The following SORCS2 variants were observed in gnomAD, a reference collection of about 807,000 sequenced individuals.
SORCS2 encodes VPS10 domain-containing receptor SorCS2.
Under a neutral mutation model 141.6 loss-of-function variants are expected in SORCS2, and 100 were observed. The ratio of observed to expected loss-of-function variants is 0.71; its 90% CI spans 0.60 to 0.83. The LOEUF is 0.83. Ranked by LOEUF, SORCS2 falls within the 40% of genes least tolerant of loss-of-function variation. The pLI, the probability that SORCS2 is intolerant of heterozygous loss-of-function variation, is 0.00. For synonymous variants in SORCS2, 789 were observed against 676.9 expected (o/e 1.17, Z -2.57); for missense variants, 1,646 against 1,560.2 (o/e 1.05, Z -0.93).
intron 3 of SORCS2, among the ~76,000 whole-genome samples, chr4:7,588,367 G>C (rs1284687052): frequency 6.6e-6 from 1 of 152,128 alleles, no homozygotes; most frequent in Non-Finnish European, 1.5e-5. Context: ...ATTTTCACCT[G>C]GCCTCTGGTA....
chr4:7,307,253 C>T (rs79444155), intron 1 of SORCS2, among the ~76,000 whole-genome samples: 2,988 of 152,318 alleles, frequency 0.02, 85 homozygotes, highest in African/African-American at 0.069. Context: ...GGATCGTTCA[C>T]GGGTCCTGGG....
intron 1 of SORCS2, among the ~76,000 whole-genome samples, chr4:7,314,147 G>A (rs1007079165): frequency 1.3e-5 from 2 of 152,088 alleles, no homozygotes; most frequent in Admixed American, 6.5e-5. Context: ...CCTCTGTGCC[G>A]TGCGGTGAGG....
chr4:7,368,102 C>T (rs1475804541), intron 1 of SORCS2, among the ~76,000 whole-genome samples: 3 of 152,204 alleles, frequency 2.0e-5, no homozygotes, highest in Admixed American at 6.5e-5. Flanking sequence ...CCCCTGTTCA[C>T]GTGTGGTGGT....
At chr4:7,659,642 A>G (rs1560463145) in intron 5 of SORCS2, among the ~76,000 whole-genome samples, 1 of 152,240 alleles carries the variant, frequency 6.6e-6, no homozygotes, top group Non-Finnish European at 1.5e-5. Context: ...TTGGTGCCAG[A>G]GTACTTACTG....
At chr4:7,283,913 G>T (rs1478022862) in intron 1 of SORCS2, among the ~76,000 whole-genome samples, 1 of 152,100 alleles carries the variant, frequency 6.6e-6, no homozygotes, top group Non-Finnish European at 1.5e-5. Flanking sequence ...AGGAGCGAGG[G>T]ATCCTTTGTG....
intron 2 of SORCS2, among the ~76,000 whole-genome samples, chr4:7,501,579 A>G (rs940195117): frequency 6.6e-6 from 1 of 152,112 alleles, no homozygotes; most frequent in Non-Finnish European, 1.5e-5. Flanking sequence ...AAATACATCA[A>G]ACTGAACCCT....
At chr4:7,574,352 C>T (rs1398187131) in intron 3 of SORCS2, among the ~76,000 whole-genome samples, 1 of 152,228 alleles carries the variant, frequency 6.6e-6, no homozygotes, top group African/African-American at 2.4e-5. Flanking sequence ...AACAGCTTGC[C>T]TGTTTACAGC....
intron 3 of SORCS2, among the ~76,000 whole-genome samples, chr4:7,568,476 C>T (rs1371041944): frequency 3.9e-5 from 6 of 152,206 alleles, no homozygotes; most frequent in Non-Finnish European, 8.8e-5. Flanking sequence ...TACATACTCT[C>T]TCCAGACCTT....
chr4:7,640,397 AGTGTGTGTGGGT>A (rs1720640496), intron 4 of SORCS2, among the ~76,000 whole-genome samples: 5 of 74,722 alleles, frequency 6.7e-5, no homozygotes, highest in East Asian at 3.7e-4. Context: ...TGGGTGTGTG[AGTGTGTGTGGGT>A]GAGTGTGTGT....
At chr4:7,592,000 A>G (rs1228603186) in intron 3 of SORCS2, among the ~76,000 whole-genome samples, 1 of 152,158 alleles carries the variant, frequency 6.6e-6, no homozygotes, top group Non-Finnish European at 1.5e-5. Flanking sequence ...ATGAGAAAAA[A>G]AAAATCCCCC....
intron 3 of SORCS2, among the ~76,000 whole-genome samples, chr4:7,602,291 G>T (rs1717752835): frequency 6.6e-6 from 1 of 151,838 alleles, no homozygotes; most frequent in Non-Finnish European, 1.5e-5. Context: ...GTGGCTGGCC[G>T]GGCGGGGGCT....
chr4:7,724,776 TGATGGTGCTGGTGAG>T (rs1291005262), intron 19 of SORCS2, among the ~76,000 whole-genome samples: 4 of 137,062 alleles, frequency 2.9e-5, no homozygotes, highest in Admixed American at 7.1e-5. Context: ...ATGATGGTGG[TGATGGTGCTGGTGAG>T]GATGGTGATG....
chr4:7,549,496 A>T (rs1387152140), intron 3 of SORCS2, among the ~76,000 whole-genome samples: 1 of 152,068 alleles, frequency 6.6e-6, no homozygotes, highest in Non-Finnish European at 1.5e-5. Context: ...CAGGGCACTG[A>T]TAATCCACCA....
chr4:7,385,495 C>G (rs74520849), intron 1 of SORCS2, among the ~76,000 whole-genome samples: 1 of 152,192 alleles, frequency 6.6e-6, no homozygotes, highest in African/African-American at 2.4e-5. Context: ...GTTGTCCTAG[C>G]TCCCTGGGGG....
Position 7,724,271 on chromosome 4 carries a change from A to G in SORCS2, c.2611+388A>G, listed in dbSNP as rs375483939. Among the ~76,000 whole-genome samples the G allele has an allele frequency of 6.4e-3, 812 of 126,088 alleles. 3 individuals are homozygous for G. The highest frequency in any genetic ancestry group is 0.028 in the African/African-American group (776 of 27,344). The allele number at this position is 126,088 out of a possible 152,430, so 82.7% of individuals were successfully genotyped here. A position where few individuals can be genotyped will look rare whatever the true frequency, so the allele number is the denominator to read the frequency against. ...GACGTTGGTGTTGGTGATGGTGATGATGGTGGTGGTGGTGGTGGTGATAAT... is the reference window on the plus strand; with the variant it reads ...GACGTTGGTGTTGGTGATGGTGATGGTGGTGGTGGTGGTGGTGGTGATAAT... On this transcript the variant is annotated intron_variant, in intron 19 of 26. Coordinates refer to ENST00000507866, the MANE Select transcript of SORCS2 (RefSeq NM_020777.3).
intron 2 of SORCS2, among the ~76,000 whole-genome samples, chr4:7,427,795 C>T (rs368015092): frequency 7.9e-5 from 12 of 151,980 alleles, no homozygotes; most frequent in African/African-American, 2.7e-4. Flanking sequence ...CAGGGGATGG[C>T]ACGGAGAGCC....
intron 8 of SORCS2, among the ~76,000 whole-genome samples, chr4:7,668,071 T>C (rs10488964): frequency 0.14 from 21,150 of 152,212 alleles, 1,631 homozygotes; most frequent in Middle Eastern, 0.22. Context: ...ATTTATTTAC[T>C]GAGCACCAAA....
intron 9 of SORCS2, among the ~76,000 whole-genome samples, chr4:7,679,989 A>G (rs780856694): frequency 1.3e-5 from 2 of 152,124 alleles, no homozygotes; most frequent in Non-Finnish European, 2.9e-5. Context: ...TCATCCTTCT[A>G]CCTGCCCTGA....
intron 2 of SORCS2, among the ~76,000 whole-genome samples, chr4:7,403,997 A>ATATATATATATATATTTTTT (rs1265288820): frequency 1.1e-4 from 2 of 19,000 alleles, no homozygotes; most frequent in Admixed American, 5.3e-4. Context: ...ATATATATAT[A>ATATATATATATATATTTTTT]TTTTTTTTTT....
Sources: allele counts gnomAD v4.1 joint callset (sites outside exome capture counted in the v4.1 genomes callset), GRCh38; gene constraint gnomAD v4.1.1; transcripts MANE v1.5; gene names NCBI Gene and HGNC (gene_info 2026-07-23, HGNC 2026-07-21).